Variants in COL6A6 observed in about 807,000 individuals in gnomAD.
The protein encoded by COL6A6 is collagen type VI alpha 6 chain.
In COL6A6, 183 loss-of-function variants were observed where a neutral mutation model predicts 208.6. The observed-to-expected ratio is 0.88, with a 90% CI of 0.78 to 0.99. The LOEUF (loss-of-function observed/expected upper bound fraction) is 0.99. Ranked by LOEUF, COL6A6 falls within the 50% of genes least tolerant of loss-of-function variation. COL6A6 has a pLI of 0.00. For missense variants in COL6A6, 2,816 were observed against 2,815.2 expected (o/e 1.00, Z -0.01); for synonymous variants, 973 against 1,011.8 (o/e 0.96, Z 0.73).
intron 10 of COL6A6, among the ~76,000 whole-genome samples, chr3:130,582,372 G>C (rs1159817702): frequency 6.6e-6 from 1 of 152,050 alleles, no homozygotes; most frequent in Non-Finnish European, 1.5e-5. Flanking sequence ...GCCCCACATT[G>C]TCTAATATTG....
intron 21 of COL6A6, 104 bp downstream of exon 21, chr3:130,607,070 A>AT (rs1251958254): frequency 1.1e-6 from 1 of 873,258 alleles, no homozygotes; most frequent in African/African-American, 1.7e-5. Context: ...TTTTGATGAT[A>AT]TTGGTTATGG....
intron 17 of COL6A6, among the ~76,000 whole-genome samples, 167 bp from the exon 18 acceptor site, chr3:130,594,114 A>G (rs1198569156): frequency 6.6e-6 from 1 of 152,250 alleles, no homozygotes; most frequent in Admixed American, 6.5e-5. Context: ...TAAATTATTT[A>G]TATGGTGCTT....
At chr3:130,623,767 A>G (rs2064806330) in intron 24 of COL6A6, among the ~76,000 whole-genome samples, 1 of 152,244 alleles carries the variant, frequency 6.6e-6, no homozygotes, top group Admixed American at 6.5e-5. Flanking sequence ...GGAGATGTAA[A>G]TTTCAGAGTC....
intron 6 of COL6A6, among the ~76,000 whole-genome samples, chr3:130,569,096 C>T (rs1048857580): frequency 1.3e-5 from 2 of 152,148 alleles, no homozygotes; most frequent in South Asian, 2.1e-4. Context: ...TACCCTGTGT[C>T]ACGTGGGCTA....
At chr3:130,575,274 A>G (rs1459111907) in intron 8 of COL6A6, among the ~76,000 whole-genome samples, 2 of 152,162 alleles carry the variant, frequency 1.3e-5, no homozygotes, top group South Asian at 2.1e-4. Flanking sequence ...TAATTTTTTC[A>G]CCTTTGAAAT....
At chr3:130,545,073 T>G (rs2062459528) in intron 1 of COL6A6, among the ~76,000 whole-genome samples, 1 of 152,226 alleles carries the variant, frequency 6.6e-6, no homozygotes, top group African/African-American at 2.4e-5. Context: ...GCCTGAACTT[T>G]TGGTGTGATA....
rs146033575 is a variant in COL6A6 at position 130,542,991 on chromosome 3, C to T, written c.-31-17343C>T. 7.2e-3 allele frequency among the ~76,000 whole-genome samples: 1,084 copies of T among 151,200 alleles called. 9 individuals carry two copies. Among genetic ancestry groups the T allele is most frequent in the African/African-American group, 0.025 (1,014 of 41,032 alleles). On this transcript the variant is annotated intron_variant, in intron 1 of 36. Transcript: ENST00000358511. ...CACCATCTCGGCTCACTGCAACCTC[C>T]GCCTCCCGGGTTCAAGGGATTCTTC...
At chr3:130,611,272 A>G (rs895213526) in intron 23 of COL6A6, among the ~76,000 whole-genome samples, 1 of 152,312 alleles carries the variant, frequency 6.6e-6, no homozygotes, top group Middle Eastern at 3.4e-3. Context: ...ATTGTTAACT[A>G]GAGAACTTGT....
At chr3:130,558,144 G>A (rs1032011071) in intron 1 of COL6A6, among the ~76,000 whole-genome samples, 1 of 152,068 alleles carries the variant, frequency 6.6e-6, no homozygotes, top group South Asian at 2.1e-4. Flanking sequence ...TTGTCTTCAG[G>A]TGATCGGTTA....
At chr3:130,665,949 C>T (rs997015891) in intron 36 of COL6A6, among the ~76,000 whole-genome samples, 12 of 152,104 alleles carry the variant, frequency 7.9e-5, no homozygotes, top group Admixed American at 7.9e-4. Context: ...TTATGTGCCT[C>T]CTGAGGGGAT....
chr3:130,519,921 A>G (rs1048760085), intron 1 of COL6A6, among the ~76,000 whole-genome samples: 1 of 152,212 alleles, frequency 6.6e-6, no homozygotes, highest in Non-Finnish European at 1.5e-5. Context: ...ATGGAATGTA[A>G]TACATGATTA....
In COL6A6 at chr3:130,541,193, A is replaced by C. The variant is rs112911629; in HGVS notation, c.-31-19141A>C. ...CTCAAAAGAGGACTTTTATGCAGCC[A>C]ACAAACATATTTTTAAAAAGCTCAA... On this transcript the variant is annotated intron_variant, in intron 1 of 36. Coordinates refer to ENST00000358511, the MANE Select transcript of COL6A6 (RefSeq NM_001102608.3). Among the ~76,000 whole-genome samples, 1,243 of 152,372 alleles carry C rather than the reference A, an allele frequency of 8.2e-3. 10 individuals carry two copies. The highest frequency in any genetic ancestry group is 0.027 in the Middle Eastern group (8 of 294).
At chr3:130,626,847 T>G (rs970088898) in intron 25 of COL6A6, among the ~76,000 whole-genome samples, 2 of 152,132 alleles carry the variant, frequency 1.3e-5, no homozygotes, top group African/African-American at 4.8e-5. Flanking sequence ...TATCAGAGCC[T>G]CTTCGTCAGA....
chr3:130,582,115 A>G (rs918619324), intron 10 of COL6A6, 47 bp downstream of exon 10: 5 of 1,167,906 alleles, frequency 4.3e-6, no homozygotes, highest in Non-Finnish European at 6.1e-6. Flanking sequence ...TAACTTTATA[A>G]TCTCAGAACT....
At chr3:130,532,752 G>T (rs1465201296) in intron 1 of COL6A6, among the ~76,000 whole-genome samples, 1 of 152,152 alleles carries the variant, frequency 6.6e-6, no homozygotes, top group Non-Finnish European at 1.5e-5. Flanking sequence ...ATGGTTCTGT[G>T]GGTTGACTGG....
intron 36 of COL6A6, among the ~76,000 whole-genome samples, chr3:130,667,271 C>G (rs895113623): frequency 6.6e-6 from 1 of 152,208 alleles, no homozygotes; most frequent in Admixed American, 6.5e-5. Context: ...GAGTTTCACT[C>G]TGTCGCCCAG....
intron 1 of COL6A6, among the ~76,000 whole-genome samples, chr3:130,547,891 G>A (rs898883647): frequency 6.6e-6 from 1 of 152,158 alleles, no homozygotes; most frequent in Non-Finnish European, 1.5e-5. Flanking sequence ...TTCGCCTCCC[G>A]GGTTCAAGTG....
intron 22 of COL6A6, among the ~76,000 whole-genome samples, chr3:130,609,953 T>C (rs1186003681): frequency 3.0e-5 from 2 of 67,694 alleles, no homozygotes; most frequent in Non-Finnish European, 4.4e-5. Context: ...GAAAGCTCAC[T>C]TTTTTTTTTT....
chr3:130,627,641 C>A (rs2064931649), intron 26 of COL6A6, among the ~76,000 whole-genome samples: 1 of 152,148 alleles, frequency 6.6e-6, no homozygotes, highest in Non-Finnish European at 1.5e-5. Flanking sequence ...CCAGCCTGAA[C>A]AGTGCATGTA....
Sources: allele counts gnomAD v4.1 joint callset (sites outside exome capture counted in the v4.1 genomes callset), GRCh38; gene constraint gnomAD v4.1.1; transcripts MANE v1.5; gene names NCBI Gene and HGNC (gene_info 2026-07-23, HGNC 2026-07-21).